Variants in EPB41L4B observed in about 807,000 individuals in gnomAD.
The protein encoded by EPB41L4B is band 4.1-like protein 4B.
Under a neutral mutation model 112.5 loss-of-function variants are expected in EPB41L4B, and 30 were observed. The observed-to-expected ratio is 0.27, with a 90% CI of 0.20 to 0.36. EPB41L4B has a LOEUF of 0.36. Ranked by LOEUF, EPB41L4B falls within the 10% of genes least tolerant of loss-of-function variation. The pLI, the probability that EPB41L4B is intolerant of heterozygous loss-of-function variation, is 1.00. For missense variants in EPB41L4B, 1,024 were observed against 1,133.3 expected, an observed-to-expected ratio of 0.90 and a Z score of 1.38; for synonymous variants, 408 against 439.7, an observed-to-expected ratio of 0.93 and a Z score of 0.90.
intron 18 of EPB41L4B, among the ~76,000 whole-genome samples, chr9:109,204,317 G>A (rs1471939955): frequency 6.8e-6 from 1 of 147,380 alleles, no homozygotes; most frequent in Non-Finnish European, 1.5e-5. Context: ...AACATGCAGA[G>A]GCCTGCAGCC....
chr9:109,241,583 C>T, intron 15 of EPB41L4B: 1 of 1,589,494 alleles, frequency 6.3e-7, no homozygotes, highest in African/African-American at 1.3e-5. Flanking sequence ...CAAACACATC[C>T]ATCCATCTGA....
intron 1 of EPB41L4B, among the ~76,000 whole-genome samples, chr9:109,295,978 G>A (rs1455340723): frequency 2.0e-5 from 3 of 152,194 alleles, no homozygotes; most frequent in Non-Finnish European, 2.9e-5. Flanking sequence ...CTCTGTGCCA[G>A]AGGTTGAATT....
At chr9:109,239,248 G>A (rs543555392) in intron 15 of EPB41L4B, among the ~76,000 whole-genome samples, 3 of 152,330 alleles carry the variant, frequency 2.0e-5, no homozygotes, top group South Asian at 2.1e-4. Context: ...TATGGGTGGC[G>A]ACAGGGAGAA....
chr9:109,197,782 T>C (rs1301609640), intron 20 of EPB41L4B, among the ~76,000 whole-genome samples: 1 of 144,836 alleles, frequency 6.9e-6, no homozygotes, highest in Non-Finnish European at 1.5e-5. Context: ...ATTGTGCCAC[T>C]GCACTCCAGC....
Position 109,213,752 on chromosome 9 carries a change from T to G in EPB41L4B, c.1700A>C (p.Glu567Ala). ...AAAHLKKLEL[E>A]TVKAAGPWPP... ...CCAGGGTCCAGCAGCCTTCACAGTT[T>G]CCAGTTCCAGCTTCTTTAGATGGGC... The change falls in exon 17 of 26, where the codon GAA becomes GCA. Residue 567 changes from glutamate to alanine, a missense_variant. Coordinates refer to ENST00000374566, the MANE Select transcript of EPB41L4B (RefSeq NM_019114.5). 1.2e-6 allele frequency: 2 copies of G among 1,614,134 alleles called. No homozygotes were observed. Among genetic ancestry groups the G allele is most frequent in the South Asian group, 2.2e-5 (2 of 91,078 alleles).
At chr9:109,271,826 C>T (rs1454795683) in intron 2 of EPB41L4B, among the ~76,000 whole-genome samples, 10 of 152,188 alleles carry the variant, frequency 6.6e-5, no homozygotes, top group Admixed American at 2.0e-4. Flanking sequence ...AACACTCTAA[C>T]GGGTGTTAGA....
chr9:109,216,499 G>T (rs1339633675), intron 16 of EPB41L4B, among the ~76,000 whole-genome samples: 1 of 152,000 alleles, frequency 6.6e-6, no homozygotes, highest in African/African-American at 2.4e-5. Context: ...AAATTAGTTG[G>T]GTGTGGTGGC....
At chr9:109,183,610 G>A (rs190464140) in intron 23 of EPB41L4B, among the ~76,000 whole-genome samples, 3 of 152,320 alleles carry the variant, frequency 2.0e-5, no homozygotes, top group Admixed American at 1.3e-4. Flanking sequence ...GCTGGCCTAG[G>A]GTACGTCATC....
At position 109,207,613 on chromosome 9, in the gene EPB41L4B, G is replaced by GAGGAC. The variant is rs554481913; in HGVS notation, c.1878+310_1878+311insGTCCT. Among the ~76,000 whole-genome samples, 985 of 152,042 alleles carry GAGGAC rather than the reference G, an allele frequency of 6.5e-3. 9 individuals are homozygous for GAGGAC. Among genetic ancestry groups the GAGGAC allele is most frequent in the Non-Finnish European group, 0.011 (766 of 67,970 alleles). ...GAGAGAGAGAAAGGAGAGGAGAGGAGAGGAATATTCATGAGCCCCCACCCC... is the reference window on the plus strand; with the variant it reads ...GAGAGAGAGAAAGGAGAGGAGAGGAGAGGACAGGAATATTCATGAGCCCCCACCCC... On this transcript the variant is annotated intron_variant, in intron 18 of 25. Transcript: ENST00000374566.
At chr9:109,303,251 TA>T (rs138745393) in intron 1 of EPB41L4B, among the ~76,000 whole-genome samples, 73 of 148,652 alleles carry the variant, frequency 4.9e-4, no homozygotes, top group African/African-American at 1.5e-3. Context: ...AAGTGATAAA[TA>T]AAAAAAAAAC....
chr9:109,272,382 A>G lies in EPB41L4B; in HGVS notation c.412-3949T>C, dbSNP rs1835657142. Among the ~76,000 whole-genome samples the G allele has an allele frequency of 2.6e-5, 4 of 152,176 alleles. No homozygotes were observed. The South Asian group carries it at 8.3e-4, about 32-fold the overall frequency. On this transcript the variant is annotated intron_variant, in intron 2 of 25. Coordinates refer to ENST00000374566, the MANE Select transcript of EPB41L4B (RefSeq NM_019114.5). ...GAGGCTGAGGTGGGAGAATCACTTGAGCCCAGGAGATCAAAGCTGCAATGA... is the reference window on the plus strand; with the variant it reads ...GAGGCTGAGGTGGGAGAATCACTTGGGCCCAGGAGATCAAAGCTGCAATGA...
intron 17 of EPB41L4B, among the ~76,000 whole-genome samples, chr9:109,212,339 C>G (rs1279651764): frequency 6.6e-6 from 1 of 152,160 alleles, no homozygotes. Flanking sequence ...TCAGGGGGCA[C>G]ACGGTGCATT....
intron 8 of EPB41L4B, 58 bp downstream of exon 8, chr9:109,256,335 G>A: frequency 6.3e-7 from 1 of 1,596,412 alleles, no homozygotes; most frequent in Admixed American, 1.7e-5. Context: ...TTTGCATAAT[G>A]TTCATACATT....
chr9:109,251,319 T>C (rs1039296042), intron 13 of EPB41L4B, among the ~76,000 whole-genome samples, 162 bp downstream of exon 13: 5 of 152,218 alleles, frequency 3.3e-5, no homozygotes, highest in Non-Finnish European at 4.4e-5. Context: ...TGTGTACTTA[T>C]TGAAAGCCAT....
chr9:109,206,380 G>C (rs1322334642), intron 18 of EPB41L4B, among the ~76,000 whole-genome samples: 1 of 152,088 alleles, frequency 6.6e-6, no homozygotes, highest in African/African-American at 2.4e-5. Context: ...ACAGGGTTTC[G>C]CCATGTTGAC....
chr9:109,241,733 C>A (rs539916486), intron 15 of EPB41L4B: 1 of 1,614,012 alleles, frequency 6.2e-7, no homozygotes, highest in African/African-American at 1.3e-5. Flanking sequence ...TGGTTCTGGT[C>A]GTGGACATAA....
intron 24 of EPB41L4B, 137 bp from the exon 25 acceptor site, chr9:109,176,833 T>A: frequency 1.0e-6 from 1 of 986,724 alleles, no homozygotes; most frequent in South Asian, 1.6e-5. Context: ...TTTTAAGTGA[T>A]TTTACTTTGT....
In EPB41L4B at chr9:109,320,431, G is replaced by C; in HGVS notation, c.16C>G (p.Arg6Gly). The C allele has an allele frequency of 1.0e-6, 1 of 991,262 alleles. No homozygotes were observed. Among genetic ancestry groups the C allele is most frequent in the East Asian group, 1.1e-4 (1 of 8,982 alleles). The allele number at this position is 991,262 out of a possible 1,614,324, so 61.4% of individuals were successfully genotyped here. A position where few individuals can be genotyped will look rare whatever the true frequency, so the allele number is the denominator to read the frequency against. ...ATGGAGCGGCGGCCAAAGGTCCGGC[G>C]CAGGAACCGCAGCATCCTGGCTGGG... MLRFLRRTFGRRSMQR... is the reference protein window; with the variant it reads MLRFLGRTFGRRSMQR... Residue 6 changes from arginine to glycine, a missense_variant, in exon 1 of 26, where the codon CGC becomes GGC. By Grantham distance (125) the Arg-to-Gly change is moderately radical. Transcript: ENST00000374566.
At chr9:109,211,247 G>A (rs1280820404) in intron 17 of EPB41L4B, among the ~76,000 whole-genome samples, 1 of 152,050 alleles carries the variant, frequency 6.6e-6, no homozygotes, top group Non-Finnish European at 1.5e-5. Context: ...AGTGAGAAGG[G>A]AGATCTGTTG....
Sources: allele counts gnomAD v4.1 joint callset (sites outside exome capture counted in the v4.1 genomes callset), GRCh38; gene constraint gnomAD v4.1.1; transcripts MANE v1.5; gene names NCBI Gene and HGNC (gene_info 2026-07-23, HGNC 2026-07-21).